Variants in CFAP97 observed in about 807,000 individuals in gnomAD.
CFAP97 encodes the protein cilia and flagella associated protein 97.
A neutral mutation model predicts 43.1 loss-of-function variants in CFAP97; 36 were observed. The observed-to-expected ratio is 0.84, with a 90% CI of 0.64 to 1.10. CFAP97 has a LOEUF of 1.10. CFAP97 is among the 50% of genes least tolerant of loss of function. CFAP97 has a pLI of 0.00. For missense variants in CFAP97, 657 were observed against 620.3 expected (o/e 1.06, Z -0.63); for synonymous variants, 228 against 225.7 (o/e 1.01, Z -0.09).
upstream of CFAP97, chr4:185,204,239 G>GC (rs1218281347): frequency 9.2e-5 from 14 of 152,268 alleles, no homozygotes; most frequent in Admixed American, 9.2e-4. Flanking sequence ...CGTTACTGCT[G>GC]CTCCCGGCTG....
intron 3 of CFAP97, among the ~76,000 whole-genome samples, chr4:185,173,344 G>A (rs1389450563): frequency 7.0e-6 from 1 of 142,234 alleles, no homozygotes; most frequent in Admixed American, 7.5e-5. Flanking sequence ...GCCTGGTGAC[G>A]AGCCAGACTC....
Position 185,172,854 on chromosome 4 carries a change from A to G in CFAP97, c.1320+2932T>C, listed in dbSNP as rs1350029733. Among the ~76,000 whole-genome samples, 75 of 149,366 alleles carry G rather than the reference A, an allele frequency of 5.0e-4. 1 individual carries two copies. Among genetic ancestry groups the G allele is most frequent in the African/African-American group, 1.8e-3 (70 of 39,716 alleles). On this transcript the variant is annotated intron_variant, in intron 3 of 4. Transcript: ENST00000458385. ...CAAAGTGAGATCCCATCTCTACAAAAAAAAAAAAAAAAAAAAAGCATTGGC... is the reference window on the plus strand; with the variant it reads ...CAAAGTGAGATCCCATCTCTACAAAGAAAAAAAAAAAAAAAAAGCATTGGC...
intron 1 of CFAP97, among the ~76,000 whole-genome samples, chr4:185,202,545 C>G (rs1236150244): frequency 1.6e-5 from 2 of 122,488 alleles, no homozygotes; most frequent in Non-Finnish European, 3.7e-5. Flanking sequence ...GAGATCCTAT[C>G]TCAAAAAACA....
intron 1 of CFAP97, among the ~76,000 whole-genome samples, chr4:185,192,999 C>T (rs1736369148): frequency 6.6e-6 from 1 of 152,096 alleles, no homozygotes; most frequent in Non-Finnish European, 1.5e-5. Flanking sequence ...CTCGGCCTCC[C>T]AAAGTGCTCA....
At position 185,190,826 on chromosome 4, in the gene CFAP97, A is replaced by T. The variant is rs1736213906; in HGVS notation, c.371T>A (p.Val124Glu). The T allele has an allele frequency of 1.9e-6, 3 of 1,609,216 alleles. No individual in the cohort carries two copies. Among genetic ancestry groups the T allele is most frequent in the Non-Finnish European group, 2.5e-6 (3 of 1,177,348 alleles). ...GTAGTAATCATCTTCACCTTCTTTTACAATTTTGGGAATTCTATTTGGAAT... is the reference window on the plus strand; with the variant it reads ...GTAGTAATCATCTTCACCTTCTTTTTCAATTTTGGGAATTCTATTTGGAAT... ...VSIPNRIPKI[V>E]KEGEDDYYTD... The change falls in exon 2 of 5, where the codon GTA becomes GAA. Residue 124 changes from valine to glutamate, a missense_variant. By Grantham distance (121) the Val-to-Glu change is moderately radical. Transcript: ENST00000458385.
At position 185,160,759 on chromosome 4, in the gene CFAP97, G is replaced by A. The variant is rs1734846728; in HGVS notation, c.*2039C>T. On this transcript the variant is annotated 3_prime_UTR_variant, in exon 5 of 5. Transcript: ENST00000458385. ...AAACTATTGTGTTGTATCCTGACAT[G>A]TGGCAACAAAGATAATATAAAATGT... 1 of 150,960 alleles carries A rather than the reference G, an allele frequency of 6.6e-6. No individual in the cohort carries two copies. The highest frequency in any genetic ancestry group is 1.5e-5 in the Non-Finnish European group (1 of 67,760). The allele number at this position is 150,960 out of a possible 1,614,324, so 9.4% of individuals were successfully genotyped here.
At chr4:185,198,789 C>CAAAAAAAAAAAAAGA (rs58603330) in intron 1 of CFAP97, among the ~76,000 whole-genome samples, 1 of 124,320 alleles carries the variant, frequency 8.0e-6, no homozygotes, top group East Asian at 2.6e-4. Context: ...AACTCCATCT[C>CAAAAAAAAAAAAAGA]AAAAAAAAGA....
upstream of CFAP97, chr4:185,204,239 G>T (rs952914142): frequency 6.6e-6 from 1 of 152,268 alleles, no homozygotes; most frequent in South Asian, 2.1e-4. Flanking sequence ...CGTTACTGCT[G>T]CTCCCGGCTG....
Position 185,190,664 on chromosome 4 carries a change from G to C in CFAP97, c.533C>G (p.Ser178Cys). 1.3e-6 allele frequency: 2 copies of C among 1,579,056 alleles called. No homozygotes were observed. Among genetic ancestry groups the C allele is most frequent in the South Asian group, 1.1e-5 (1 of 87,380 alleles). The change falls in exon 2 of 5, where the codon TCT becomes TGT. Residue 178 changes from serine to cysteine, a missense_variant. Ser to Cys is a moderately radical substitution (Grantham distance 112). Transcript: ENST00000458385. ...TGTACCTGAACCTGAAGATGAGGAAGATAAAGAGGAGGAGGAAGAGGAGCT... is the reference window on the plus strand; with the variant it reads ...TGTACCTGAACCTGAAGATGAGGAACATAAAGAGGAGGAGGAAGAGGAGCT... The part of the protein sequence containing the change: ...KVSSSSSSSL[S>C]SSSSGSGTDC...
upstream of CFAP97, among the ~76,000 whole-genome samples, chr4:185,205,312 G>A (rs1276140753): frequency 6.6e-6 from 1 of 152,094 alleles, no homozygotes; most frequent in Non-Finnish European, 1.5e-5. Context: ...AAATTAGCTG[G>A]GCGTGGTGAC....
Position 185,178,927 on chromosome 4 carries a change from C to G in CFAP97, c.1055-2876G>C, listed in dbSNP as rs576421148. On this transcript the variant is annotated intron_variant, in intron 2 of 4. Coordinates refer to ENST00000458385, the MANE Select transcript of CFAP97 (RefSeq NM_020827.3). ...ACTGGTAGATCTGGCCCAGCAGACC[C>G]CCAAGCAGAACGCTCAGAGCACCAG... is the stretch of plus-strand genomic sequence containing the variant. 3.9e-5 allele frequency among the ~76,000 whole-genome samples: 6 copies of G among 152,120 alleles called. No homozygotes were observed. In the South Asian group the frequency reaches 1.0e-3, roughly 26 times the overall value.
chr4:185,169,021 A>G (rs1579230621), intron 3 of CFAP97: 1 of 152,326 alleles, frequency 6.6e-6, no homozygotes, highest in East Asian at 1.9e-4. Context: ...CTACTTACAC[A>G]TCCATCATCT....
upstream of CFAP97, among the ~76,000 whole-genome samples, chr4:185,204,876 C>T (rs1436124214): frequency 6.6e-6 from 1 of 152,228 alleles, no homozygotes; most frequent in Non-Finnish European, 1.5e-5. Context: ...CTAGAGCCTG[C>T]AAATTTTGAT....
chr4:185,175,737 A>G, intron 3 of CFAP97, 49 bp downstream of exon 3: 1 of 1,560,962 alleles, frequency 6.4e-7, no homozygotes, highest in African/African-American at 1.4e-5. Flanking sequence ...GGACATACAA[A>G]TCAGTGCAAA....
chr4:185,178,690 A>C (rs1233772522), intron 2 of CFAP97, among the ~76,000 whole-genome samples: 1 of 152,128 alleles, frequency 6.6e-6, no homozygotes, highest in Non-Finnish European at 1.5e-5. Flanking sequence ...CAAAGACTCA[A>C]AGAGCAGGAT....
chr4:185,193,393 T>A (rs1350598422), intron 1 of CFAP97, among the ~76,000 whole-genome samples: 1 of 152,168 alleles, frequency 6.6e-6, no homozygotes, highest in Non-Finnish European at 1.5e-5. Context: ...CATGCTGTAA[T>A]CCCAGCACTT....
At chr4:185,163,035 C>A in intron 4 of CFAP97, 110 bp from the exon 5 acceptor site, 1 of 919,560 alleles carries the variant, frequency 1.1e-6, no homozygotes, top group South Asian at 2.9e-5. Context: ...CTATGATTCT[C>A]GACTAGGATG....
Position 185,190,971 on chromosome 4 carries a change from G to T in CFAP97, c.226C>A (p.Pro76Thr), listed in dbSNP as rs1206785747. ...TCATTCTCTACGGGGTGTTCTGGGG[G>T]AAATTTCACGTTTCTTTCATTTCCC... ...EKGNERNVKF[P>T]PEHPVENDVT... Residue 76 changes from proline to threonine, a missense_variant, in exon 2 of 5, where the codon CCC becomes ACC. Physicochemically the swap from Pro to Thr is conservative, Grantham distance 38. Transcript: ENST00000458385. The T allele has an allele frequency of 1.2e-6, 2 of 1,613,600 alleles. No individual in the cohort carries two copies. Among genetic ancestry groups the T allele is most frequent in the Non-Finnish European group, 1.7e-6 (2 of 1,179,780 alleles).
chr4:185,173,326 G>A (rs913462862), intron 3 of CFAP97, among the ~76,000 whole-genome samples: 2 of 146,034 alleles, frequency 1.4e-5, no homozygotes, highest in Non-Finnish European at 3.0e-5. Context: ...TCACGTCACT[G>A]CACTCCAGCC....
Sources: gnomAD v4.1 joint callset for allele counts (sites outside exome capture counted in the v4.1 genomes callset) on GRCh38, gnomAD v4.1.1 for gene constraint, MANE v1.5 for transcripts, NCBI Gene and HGNC (gene_info 2026-07-23, HGNC 2026-07-21) for gene names.